The following PDZK1 variants were observed in gnomAD, a reference collection of about 807,000 sequenced individuals.
PDZK1 encodes the protein Na(+)/H(+) exchange regulatory cofactor NHE-RF3.
A neutral mutation model predicts 38.1 loss-of-function variants in PDZK1; 23 were observed. The ratio of observed to expected loss-of-function variants is 0.60; its 90% confidence interval spans 0.43 to 0.85. The LOEUF is 0.85. PDZK1 is among the 40% of genes least tolerant of loss of function. The pLI, the probability that PDZK1 is intolerant of heterozygous loss-of-function variation, is 0.00. For synonymous variants in PDZK1, 98 were observed against 186.2 expected (o/e 0.53, Z 3.86); for missense variants, 297 against 504.3 (o/e 0.59, Z 3.94).
chr1:145,694,606 C>G (rs1553703845), intron 1 of PDZK1, among the ~76,000 whole-genome samples: 5 of 152,072 alleles, frequency 3.3e-5, no homozygotes, highest in African/African-American at 9.6e-5. Context: ...AGTTTTAGAA[C>G]AAAAATAACT....
intron 2 of PDZK1, among the ~76,000 whole-genome samples, chr1:145,687,461 C>G (rs1358772002): frequency 1.4e-5 from 2 of 140,592 alleles, no homozygotes; most frequent in Non-Finnish European, 3.0e-5. Context: ...GGAGGTAGAG[C>G]TTGCAGTGAA....
intron 1 of PDZK1, among the ~76,000 whole-genome samples, chr1:145,699,880 A>C (rs1007614233): frequency 1.3e-5 from 2 of 152,148 alleles, no homozygotes; most frequent in African/African-American, 4.8e-5. Context: ...TGAGCTGAAG[A>C]TAGAATACCC....
Position 145,700,475 on chromosome 1 carries a change from T to A in PDZK1, c.-3+6842A>T, listed in dbSNP as rs587745725. 2.0e-5 allele frequency among the ~76,000 whole-genome samples: 3 copies of A among 152,214 alleles called. No individual in the cohort carries two copies. The South Asian group carries it at 6.2e-4, about 32-fold the overall frequency. On this transcript the variant is annotated intron_variant, in intron 1 of 8. Coordinates refer to ENST00000417171, the MANE Select transcript of PDZK1 (RefSeq NM_001201325.2). ...TGGAGAAGATGGAGTGAGTGAAGCA[T>A]TACCTTAGCTATAGATACCTGGCCC...
chr1:145,676,202 G>A (rs1395780134), intron 6 of PDZK1: 14 of 983,212 alleles, frequency 1.4e-5, no homozygotes, highest in Admixed American at 6.2e-5. Flanking sequence ...CTTCTTTTTC[G>A]ATCAAAGTTC....
At chr1:145,694,243 A>G (rs1655483325) in intron 1 of PDZK1, among the ~76,000 whole-genome samples, 1 of 152,230 alleles carries the variant, frequency 6.6e-6, no homozygotes, top group Non-Finnish European at 1.5e-5. Flanking sequence ...GGCAGAATCC[A>G]TTCAGGACTG....
chr1:145,704,607 GCAGGTTTC>G (rs1166688188), intron 1 of PDZK1, among the ~76,000 whole-genome samples: 1 of 152,148 alleles, frequency 6.6e-6, no homozygotes, highest in Non-Finnish European at 1.5e-5. Context: ...GATCTAGAGT[GCAGGTTTC>G]CAATCCCAGT....
chr1:145,698,573 C>A (rs1414041386), intron 1 of PDZK1, among the ~76,000 whole-genome samples: 1 of 152,070 alleles, frequency 6.6e-6, no homozygotes, highest in Non-Finnish European at 1.5e-5. Flanking sequence ...CAGTAATATA[C>A]ATCAAGAATA....
At chr1:145,693,863 T>C (rs1303404946) in intron 1 of PDZK1, among the ~76,000 whole-genome samples, 1 of 151,816 alleles carries the variant, frequency 6.6e-6, no homozygotes, top group Non-Finnish European at 1.5e-5. Context: ...CACAGAGGAA[T>C]GTTGAGATTG....
intron 2 of PDZK1, among the ~76,000 whole-genome samples, chr1:145,687,490 A>T: frequency 7.1e-6 from 1 of 140,086 alleles, no homozygotes; most frequent in East Asian, 2.1e-4. Flanking sequence ...GCACCACTGC[A>T]CTCTAGCCTG....
chr1:145,675,096 A>G (rs1653516548), intron 6 of PDZK1, among the ~76,000 whole-genome samples: 1 of 151,612 alleles, frequency 6.6e-6, no homozygotes, highest in African/African-American at 2.4e-5. Context: ...TATTATGCCA[A>G]ACTCTCCAAC....
At chr1:145,695,450 G>A (rs868932868) in intron 1 of PDZK1, among the ~76,000 whole-genome samples, 3 of 151,810 alleles carry the variant, frequency 2.0e-5, no homozygotes, top group Middle Eastern at 3.4e-3. Context: ...GAGAGAGAGA[G>A]AAAGAGGAGA....
chr1:145,702,118 T>C lies in PDZK1; in HGVS notation c.-3+5199A>G, dbSNP rs148907752. Among the ~76,000 whole-genome samples the C allele has an allele frequency of 1.0e-3, 152 of 152,242 alleles. 1 individual carries two copies. The East Asian group carries it at 0.027, about 27-fold the overall frequency. ...TTGAGAATTATCTGGAGAAGAGTGATCCCAGACCCACTGAGTAGTTTTTAT... is the reference window on the plus strand; with the variant it reads ...TTGAGAATTATCTGGAGAAGAGTGACCCCAGACCCACTGAGTAGTTTTTAT... On this transcript the variant is annotated intron_variant, in intron 1 of 8. Coordinates refer to ENST00000417171, the MANE Select transcript of PDZK1 (RefSeq NM_001201325.2).
At chr1:145,679,509 C>T (rs1654029263) in intron 5 of PDZK1, among the ~76,000 whole-genome samples, 2 of 152,132 alleles carry the variant, frequency 1.3e-5, no homozygotes, top group Non-Finnish European at 2.9e-5. Context: ...TAAACTATTA[C>T]AGCACCTTAC....
At chr1:145,684,497 T>C (rs1654577904) in intron 3 of PDZK1, among the ~76,000 whole-genome samples, 1 of 152,136 alleles carries the variant, frequency 6.6e-6, no homozygotes, top group Non-Finnish European at 1.5e-5. Context: ...CGTGAGCCAC[T>C]GCGCCCGGCC....
chr1:145,674,507 G>A (rs1653442490), intron 6 of PDZK1, among the ~76,000 whole-genome samples: 1 of 152,168 alleles, frequency 6.6e-6, no homozygotes, highest in Non-Finnish European at 1.5e-5. Context: ...AAAGGCAAAG[G>A]TGTCAGTCTG....
chr1:145,705,186 G>A (rs914231665), intron 1 of PDZK1, among the ~76,000 whole-genome samples: 1 of 152,102 alleles, frequency 6.6e-6, no homozygotes, highest in Non-Finnish European at 1.5e-5. Flanking sequence ...CACCTCCCAG[G>A]TTCAAGCAAT....
rs1553698216 is a variant in PDZK1 at position 145,672,722 on chromosome 1, C to A, written c.1506+8G>T. ...TTAGATCACGAAAAGAAATAGGCCCCCACTCACCCGTTCTTTTGCCATGTG... is the reference window on the plus strand; with the variant it reads ...TTAGATCACGAAAAGAAATAGGCCCACACTCACCCGTTCTTTTGCCATGTG... On this transcript the variant is annotated splice_region_variant and intron_variant, in intron 8 of 8. Transcript: ENST00000417171. 1 of 1,611,774 alleles carries A rather than the reference C, an allele frequency of 6.2e-7. No individual in the cohort carries two copies.
chr1:145,674,945 G>A (rs1653501110), intron 6 of PDZK1, among the ~76,000 whole-genome samples: 1 of 152,140 alleles, frequency 6.6e-6, no homozygotes, highest in Non-Finnish European at 1.5e-5. Context: ...TGGTGAGAGG[G>A]TGACAGCTGT....
At chr1:145,695,421 A>AAGAGAGAAAGAGGAGAGAGAGAG (rs1363068800) in intron 1 of PDZK1, among the ~76,000 whole-genome samples, 1 of 151,868 alleles carries the variant, frequency 6.6e-6, no homozygotes, top group African/African-American at 2.4e-5. Context: ...ACACTGTCGA[A>AAGAGAGAAAGAGGAGAGAGAGAG]AGAGAGAAAG....
Sources: gnomAD v4.1 joint callset for allele counts (sites outside exome capture counted in the v4.1 genomes callset) on GRCh38, gnomAD v4.1.1 for gene constraint, MANE v1.5 for transcripts, NCBI Gene and HGNC (gene_info 2026-07-23, HGNC 2026-07-21) for gene names.